Variants in WRN observed in about 807,000 individuals in gnomAD.
The protein encoded by WRN is bifunctional 3'-5' exonuclease/ATP-dependent helicase WRN.
WRN carries 149 observed loss-of-function variants against 180.7 expected under a neutral mutation model. That is an observed-to-expected ratio of 0.82 (90% confidence interval 0.72 to 0.94). The LOEUF (loss-of-function observed/expected upper bound fraction) is 0.94, where lower values mean the gene tolerates loss of function less well. WRN is among the 40% of genes least tolerant of loss of function. The pLI, the probability that WRN is intolerant of heterozygous loss-of-function variation, is 0.00. For synonymous variants in WRN, 548 were observed against 568.9 expected (o/e 0.96, Z 0.52); for missense variants, 1,661 against 1,700.1 (o/e 0.98, Z 0.40).
At chr8:31,091,803 C>G in intron 15 of WRN, 27 bp from the exon 16 acceptor site, 1 of 1,598,094 alleles carries the variant, frequency 6.3e-7, no homozygotes, top group South Asian at 1.1e-5. Flanking sequence ...GTACATGGTG[C>G]CAGAATATTT....
Position 31,080,963 on chromosome 8 carries a change from C to A in WRN, c.936C>A (p.Ser312Arg), listed in dbSNP as rs1813280266. 1 of 1,613,720 alleles carries A rather than the reference C, an allele frequency of 6.2e-7. No homozygotes were observed. The highest frequency in any genetic ancestry group is 1.1e-5 in the South Asian group (1 of 91,060). Residue 312 changes from serine (S) to arginine (R), a missense_variant, in exon 9 of 35, where the codon AGC becomes AGA. Physicochemically the swap from Ser to Arg is moderately radical, Grantham distance 110. Around this residue, in one of 3 missense-constraint regions of WRN, gnomAD observed 500 missense variants for 504.1 expected, o/e 0.99. Coordinates refer to ENST00000298139, the MANE Select transcript of WRN (RefSeq NM_000553.6). The stretch of plus-strand genomic sequence containing the variant: ...ACATTGAGACTGAACTGAGGCCCAG[C>A]AATAATTTAAACTTATTATCCTTTG... ...STNIETELRP[S>R]NNLNLLSFED...
chr8:31,129,644 C>G (rs1056603578), intron 23 of WRN, among the ~76,000 whole-genome samples: 1 of 151,926 alleles, frequency 6.6e-6, no homozygotes, highest in African/African-American at 2.4e-5. Flanking sequence ...AATTTTAAAC[C>G]TACAGATAAC....
intron 1 of WRN, among the ~76,000 whole-genome samples, chr8:31,052,366 ACG>A (rs148297288): frequency 0.15 from 22,110 of 152,032 alleles, 2,011 homozygotes; most frequent in South Asian, 0.25. Context: ...ACAAACACAC[ACG>A]CGTATTTATT....
intron 18 of WRN, among the ~76,000 whole-genome samples, chr8:31,106,120 C>T (rs1801086711): frequency 6.6e-6 from 1 of 152,108 alleles, no homozygotes; most frequent in African/African-American, 2.4e-5. Context: ...TTTCCTCAAT[C>T]TTTTCTCTTT....
chr8:31,148,722 A>G (rs902379765), intron 30 of WRN, among the ~76,000 whole-genome samples: 5 of 152,250 alleles, frequency 3.3e-5, no homozygotes, highest in Admixed American at 1.3e-4. Flanking sequence ...TCTTGAATTC[A>G]TAGAGGACTT....
At chr8:31,121,114 C>A (rs1241842765) in intron 21 of WRN, among the ~76,000 whole-genome samples, 1 of 151,892 alleles carries the variant, frequency 6.6e-6, no homozygotes, top group Non-Finnish European at 1.5e-5. Context: ...CATTATCTTG[C>A]AAAGATTTTG....
chr8:31,082,187 C>T (rs1204111024), intron 9 of WRN, among the ~76,000 whole-genome samples: 1 of 152,068 alleles, frequency 6.6e-6, no homozygotes, highest in Non-Finnish European at 1.5e-5. Flanking sequence ...AAATTGATTT[C>T]TTAATTTCTC....
At chr8:31,061,527 A>AT (rs5890548) in intron 3 of WRN, among the ~76,000 whole-genome samples, 111,187 of 144,884 alleles carry the variant, frequency 0.77, 42,596 homozygotes, top group East Asian at 0.84. Context: ...ACAGCTGTTA[A>AT]TTTTTTTTTT....
intron 23 of WRN, among the ~76,000 whole-genome samples, chr8:31,128,227 T>C (rs1802002778): frequency 6.6e-6 from 1 of 152,152 alleles, no homozygotes; most frequent in African/African-American, 2.4e-5. Flanking sequence ...ATCCAAAAAT[T>C]AGTACACTGT....
Position 31,088,890 on chromosome 8 carries a change from A to G in WRN, c.1577A>G (p.Asp526Gly), listed in dbSNP as rs1585438100. 6.2e-7 allele frequency: 1 copy of G among 1,609,120 alleles called. No individual in the cohort carries two copies. Among genetic ancestry groups the G allele is most frequent in the Non-Finnish European group, 8.5e-7 (1 of 1,177,330 alleles). The change falls in exon 13 of 35, where the codon GAC (aspartate) becomes GGC (glycine). Residue 526 changes from aspartate to glycine, a missense_variant and splice_region_variant. This residue lies in a region of WRN where 1,141 missense variants were observed against 1,149.4 expected (regional missense o/e 0.99). Transcript: ENST00000298139. ...AATGCACATTTTATTTTATTTCCAG[A>G]CTTTTTGTGGCCAGCACCCAATGAA... ...ANEGEEDDDKDFLWPAPNEEQ... is the reference protein window; with the variant it reads ...ANEGEEDDDKGFLWPAPNEEQ...
In WRN at chr8:31,087,912, A is replaced by T; in HGVS notation, c.1568A>T (p.Asp523Val). The change falls in exon 12 of 35, where the codon GAT becomes GTT. Residue 523 changes from aspartate (D) to valine (V), a missense_variant. Physicochemically the swap from Asp to Val is radical, Grantham distance 152. Around this residue, in one of 3 missense-constraint regions of WRN, gnomAD observed 1,141 missense variants for 1,149.4 expected, o/e 0.99. Transcript: ENST00000298139. ...GAAGCTAATGAAGGGGAAGAAGATG[A>T]TGATAAGGGTAAGCACTGAAGTATG... ...ENEANEGEED[D>V]DKDFLWPAPN... 1 of 1,613,136 alleles carries T rather than the reference A, an allele frequency of 6.2e-7. No individual in the cohort carries two copies. Among genetic ancestry groups the T allele is most frequent in the South Asian group, 1.1e-5 (1 of 91,048 alleles).
intron 19 of WRN, 94 bp from the exon 20 acceptor site, chr8:31,116,260 G>A: frequency 1.6e-6 from 2 of 1,273,380 alleles, no homozygotes; most frequent in East Asian, 2.5e-5. Flanking sequence ...TTCTTTAGAA[G>A]GTAGAAAGGA....
chr8:31,046,941 T>C (rs1030562912), intron 1 of WRN, among the ~76,000 whole-genome samples: 4 of 152,216 alleles, frequency 2.6e-5, no homozygotes, highest in Non-Finnish European at 4.4e-5. Flanking sequence ...CATAAACTTA[T>C]CCTGTCCGAA....
At chr8:31,124,793 A>G (rs1256507468) in intron 22 of WRN, 115 bp from the exon 23 acceptor site, 6 of 1,241,788 alleles carry the variant, frequency 4.8e-6, no homozygotes, top group Non-Finnish European at 5.8e-6. Flanking sequence ...CTGAAGTCAA[A>G]TAATGAAGTC....
intron 16 of WRN, among the ~76,000 whole-genome samples, chr8:31,094,702 T>C (rs1238371632): frequency 1.3e-5 from 2 of 152,212 alleles, no homozygotes; most frequent in African/African-American, 4.8e-5. Flanking sequence ...TCTCTATGAT[T>C]TGCCTATTCT....
chr8:31,090,626 A>T, intron 14 of WRN, 94 bp downstream of exon 14: 1 of 1,277,974 alleles, frequency 7.8e-7, no homozygotes, highest in Non-Finnish European at 1.1e-6. Flanking sequence ...CAAAATACAA[A>T]TGCAACTACA....
At chr8:31,138,983 G>T (rs1802503360) in intron 24 of WRN, among the ~76,000 whole-genome samples, 2 of 152,060 alleles carry the variant, frequency 1.3e-5, no homozygotes, top group Non-Finnish European at 1.5e-5. Context: ...AATGACATAA[G>T]CATATTAATA....
chr8:31,045,047 T>G (rs1811807031), intron 1 of WRN, among the ~76,000 whole-genome samples: 1 of 152,242 alleles, frequency 6.6e-6, no homozygotes, highest in Non-Finnish European at 1.5e-5. Flanking sequence ...TGGTCAATCT[T>G]TTAAATTTTT....
At position 31,111,646 on chromosome 8, in the gene WRN, G is replaced by A. The variant is rs1287177952; in HGVS notation, c.2120G>A (p.Ser707Asn). ...ATCGTTGCACTTACTGCTACTGCAA[G>A]TTCTTCAATCCGGGAAGACATTGTA... ...VPIVALTATASSSIREDIVRC... is the reference protein window; with the variant it reads ...VPIVALTATANSSIREDIVRC... Residue 707 changes from serine to asparagine, a missense_variant, in exon 19 of 35, where the codon AGT (serine) becomes AAT (asparagine). Coordinates refer to ENST00000298139, the MANE Select transcript of WRN (RefSeq NM_000553.6). 1.2e-6 allele frequency: 2 copies of A among 1,614,062 alleles called. No individual in the cohort carries two copies. The highest frequency in any genetic ancestry group is 1.7e-6 in the Non-Finnish European group (2 of 1,179,968).
Sources: gnomAD v4.1 joint callset for allele counts (sites outside exome capture counted in the v4.1 genomes callset) on GRCh38, gnomAD v4.1.1 for gene constraint, gnomAD v4.1.1 regional missense constraint, MANE v1.5 for transcripts, NCBI Gene and HGNC (gene_info 2026-07-23, HGNC 2026-07-21) for gene names.